The following GATA6 variants were observed in gnomAD, a reference collection of about 807,000 sequenced individuals.
GATA6 encodes the protein GATA binding protein 6, also known as transcription factor GATA-6.
Under a neutral mutation model 48.1 loss-of-function variants are expected in GATA6, and 11 were observed. The observed-to-expected ratio is 0.23, with a 90% CI of 0.14 to 0.38. The LOEUF is 0.38. Among genes scored for constraint, GATA6 ranks in the 10% least tolerant of loss-of-function variants. GATA6 has a pLI of 1.00. For synonymous variants in GATA6, 419 were observed against 396.1 expected (o/e 1.06, Z -0.69); for missense variants, 795 against 850.3 (o/e 0.93, Z 0.81).
intron 6 of GATA6, among the ~76,000 whole-genome samples, chr18:22,191,625 T>A (rs2033329403): frequency 6.6e-6 from 1 of 152,216 alleles, no homozygotes; most frequent in South Asian, 2.1e-4. Flanking sequence ...GTTCTGTTCA[T>A]GTTTAGACCT....
At chr18:22,175,690 G>A (rs2033112643) in intron 2 of GATA6, 1 of 152,182 alleles carries the variant, frequency 6.6e-6, no homozygotes. Context: ...TGGAATTAAA[G>A]TTTTTATGCT....
rs191460534 is a variant in GATA6 at position 22,175,095 on chromosome 18, G to A, written c.1136-1860G>A. Among the ~76,000 whole-genome samples, 3 of 152,204 alleles carry A rather than the reference G, an allele frequency of 2.0e-5. No homozygotes were observed. The East Asian group carries it at 5.8e-4, about 29-fold the overall frequency. On this transcript the variant is annotated intron_variant, in intron 2 of 6. Transcript: ENST00000269216. Reference sequence around the variant, plus strand: ...TGGTGAGTTGAAAAGGGGGAACTTGGTGAGCAAGCCCCCAGCTTTTATATC... The same window carrying A: ...TGGTGAGTTGAAAAGGGGGAACTTGATGAGCAAGCCCCCAGCTTTTATATC...
rs552832250 is a variant in GATA6, at chr18:22,192,672, G to GT, written c.1621-7980dup. Among the ~76,000 whole-genome samples the GT allele has an allele frequency of 3.5e-3, 530 of 152,270 alleles. 2 individuals are homozygous for GT. The highest frequency in any genetic ancestry group is 0.013 in the South Asian group (61 of 4,818). On this transcript the variant is annotated intron_variant, in intron 6 of 6. Transcript: ENST00000269216. ...AAAAATTAAGATCATAATTCACCAG[G>GT]TTTTAAATCTTGCCTCAGGATTCTG...
At chr18:22,176,502 CTG>C (rs2033123104) in intron 2 of GATA6, 1 of 153,866 alleles carries the variant, frequency 6.5e-6, no homozygotes, top group South Asian at 2.0e-4. Context: ...GGCAGCCTCG[CTG>C]TGTCCCCGGA....
intron 3 of GATA6, among the ~76,000 whole-genome samples, chr18:22,180,630 C>G (rs1312294249): frequency 6.6e-6 from 1 of 151,580 alleles, no homozygotes; most frequent in East Asian, 1.9e-4. Flanking sequence ...AAAATGCAGG[C>G]AGCAGGCAAT....
In GATA6 at chr18:22,171,251, C is replaced by T. The variant is rs770825513; in HGVS notation, c.107C>T (p.Pro36Leu). The change falls in exon 2 of 7, where the codon CCT becomes CTT. Residue 36 changes from proline to leucine, a missense_variant. Around this residue, in one of 5 missense-constraint regions of GATA6, gnomAD observed 591 missense variants for 570.0 expected, o/e 1.04. Transcript: ENST00000269216. This position sits in a 1 kb window ranked among gnomAD's most constrained non-coding sequence, Gnocchi z 7.1. ...AFPAREPSTPPSPISSSSSSC... is the reference protein window; with the variant it reads ...AFPAREPSTPLSPISSSSSSC... ...CCAGCGCGGGAGCCCTCCACGCCGC[C>T]TTCCCCCATCTCTTCCTCGTCCTCC... is the stretch of plus-strand genomic sequence containing the variant. The T allele has an allele frequency of 1.3e-6, 2 of 1,598,490 alleles. No homozygotes were observed. Among genetic ancestry groups the T allele is most frequent in the Admixed American group, 1.7e-5 (1 of 59,924 alleles).
intron 6 of GATA6, among the ~76,000 whole-genome samples, chr18:22,190,789 C>T (rs1467475095): frequency 6.6e-6 from 1 of 152,162 alleles, no homozygotes; most frequent in African/African-American, 2.4e-5. Context: ...TTGCCACATG[C>T]TACAAGCCAT....
rs1256801196 is a variant in GATA6 at position 22,172,248 on chromosome 18, C to T, written c.1104C>T (p.Ala368=). The part of the protein sequence containing the change: ...VLHSLQSRAG[A]PLPVPRGPSA... ...ACAGCCTGCAGAGCCGCGCCGGAGCCCCGCTCCCGGTGCCCCGGGGTCCCA... is the reference window on the plus strand; with the variant it reads ...ACAGCCTGCAGAGCCGCGCCGGAGCTCCGCTCCCGGTGCCCCGGGGTCCCA... Residue 368 remains alanine (A), a synonymous_variant, in exon 2 of 7, where the codon GCC becomes GCT. Transcript: ENST00000269216. The surrounding 1 kb of genome is among the most constrained non-coding windows in gnomAD (Gnocchi z 5.2). The T allele has an allele frequency of 2.6e-6, 4 of 1,533,778 alleles. No individual in the cohort carries two copies. The highest frequency in any genetic ancestry group is 2.4e-5 in the East Asian group (1 of 40,840).
chr18:22,188,105 T>C (rs2033286105), intron 6 of GATA6, among the ~76,000 whole-genome samples: 1 of 152,014 alleles, frequency 6.6e-6, no homozygotes, highest in African/African-American at 2.4e-5. Context: ...GAAAAAAAAG[T>C]AAACCCTATT....
At chr18:22,181,603 G>T in intron 4 of GATA6, 25 bp downstream of exon 4, 1 of 1,613,292 alleles carries the variant, frequency 6.2e-7, no homozygotes, top group Non-Finnish European at 8.5e-7. Context: ...CTGCTCACTT[G>T]TATATACATT....
intron 2 of GATA6, among the ~76,000 whole-genome samples, chr18:22,173,937 A>T (rs548391366): frequency 6.6e-6 from 1 of 152,352 alleles, no homozygotes; most frequent in East Asian, 1.9e-4. Flanking sequence ...GCCCAGCGAA[A>T]TTCCCTCTTT....
chr18:22,177,285 C>T (rs551401032), intron 3 of GATA6, among the ~76,000 whole-genome samples, 164 bp downstream of exon 3: 10 of 152,250 alleles, frequency 6.6e-5, no homozygotes, highest in African/African-American at 1.9e-4. Context: ...CATCCTGTCC[C>T]GGCTGTTCCA....
rs1201865958 is a variant in GATA6, at chr18:22,170,178, TC to T, written c.-38+502del. Among the ~76,000 whole-genome samples, 1 of 151,804 alleles carries T rather than the reference TC, an allele frequency of 6.6e-6. No homozygotes were observed. The highest frequency in any genetic ancestry group is 6.6e-5 in the Admixed American group (1 of 15,256). ...CCTCGGCTCTGGGGCGGTCTCACGCTCCCCCCTCCCCAGCCCGTTGCGTTCC... is the reference window on the plus strand; with the variant it reads ...CCTCGGCTCTGGGGCGGTCTCACGCTCCCCCTCCCCAGCCCGTTGCGTTCC... On this transcript the variant is annotated intron_variant, in intron 1 of 6. Coordinates refer to ENST00000269216, the MANE Select transcript of GATA6 (RefSeq NM_005257.6). The surrounding 1 kb of genome is among the most constrained non-coding windows in gnomAD (Gnocchi z 6.7).
At position 22,183,019 on chromosome 18, in the gene GATA6, C is replaced by G. The variant is rs774778659; in HGVS notation, c.1596C>G (p.Pro532=). 1.2e-6 allele frequency: 2 copies of G among 1,613,480 alleles called. No homozygotes were observed. Among genetic ancestry groups the G allele is most frequent in the African/African-American group, 1.3e-5 (1 of 74,910 alleles). ...NSDDCSKNTS[P]TTQPTASGAG... ...ATGATTGCAGCAAAAATACTTCCCC[C>G]ACAACACAACCTACAGCCTCAGGGG... Residue 532 remains proline (P), a synonymous_variant, in exon 6 of 7, where the codon CCC becomes CCG. Transcript: ENST00000269216.
At position 22,172,718 on chromosome 18, in the gene GATA6, C is replaced by T. The variant is rs2033072236; in HGVS notation, c.1135+439C>T. On this transcript the variant is annotated intron_variant, in intron 2 of 6. Transcript: ENST00000269216. This position sits in a 1 kb window ranked among gnomAD's most constrained non-coding sequence, Gnocchi z 5.2. ...GGGAGAGTGGCGGGCACTTGATCCACCCCCAAACAGACACACAAGCACATG... is the reference window on the plus strand; with the variant it reads ...GGGAGAGTGGCGGGCACTTGATCCATCCCCAAACAGACACACAAGCACATG... Among the ~76,000 whole-genome samples, 1 of 152,126 alleles carries T rather than the reference C, an allele frequency of 6.6e-6. No individual in the cohort carries two copies. Among genetic ancestry groups the T allele is most frequent in the Non-Finnish European group, 1.5e-5 (1 of 68,028 alleles).
At chr18:22,181,374 CAA>C in intron 3 of GATA6, 77 bp from the exon 4 acceptor site, 1 of 1,494,050 alleles carries the variant, frequency 6.7e-7, no homozygotes, top group Non-Finnish European at 9.3e-7. Flanking sequence ...ATGACAGGGA[CAA>C]AATACCTTAA....
chr18:22,177,037 C>T lies in GATA6; in HGVS notation c.1218C>T (p.Thr406=), dbSNP rs371894991. The part of the protein sequence containing the change: ...IQTPLWRRDG[T]GHYLCNACGL... ...CGCCGCTGTGGCGGCGGGACGGCAC[C>T]GGCCACTACCTGTGCAACGCCTGCG... is the stretch of plus-strand genomic sequence containing the variant. Residue 406 remains threonine, a synonymous_variant, in exon 3 of 7, where the codon ACC becomes ACT. Transcript: ENST00000269216. 9 of 1,577,096 alleles carry T rather than the reference C, an allele frequency of 5.7e-6. No individual in the cohort carries two copies. Among genetic ancestry groups the T allele is most frequent in the Admixed American group, 5.4e-5 (3 of 55,428 alleles).
chr18:22,200,919 G>C lies in GATA6; in HGVS notation c.*96G>C. 1 of 1,248,400 alleles carries C rather than the reference G, an allele frequency of 8.0e-7. No homozygotes were observed. The highest frequency in any genetic ancestry group is 1.3e-5 in the South Asian group (1 of 75,048). 77.3% of individuals were successfully genotyped at this position (1,248,400 alleles called of 1,614,324 possible). A position where few individuals can be genotyped will look rare whatever the true frequency, so the allele number is the denominator to read the frequency against. ...CGGTCCAGACAGTGGCGACTGCGCT[G>C]ACAGAACGTGATTCTCGTGCCTTTA... On this transcript the variant is annotated 3_prime_UTR_variant, in exon 7 of 7. Coordinates refer to ENST00000269216, the MANE Select transcript of GATA6 (RefSeq NM_005257.6).
chr18:22,171,579 G>A lies in GATA6; in HGVS notation c.435G>A (p.Glu145=), dbSNP rs1302050726. 1 of 1,602,650 alleles carries A rather than the reference G, an allele frequency of 6.2e-7. No homozygotes were observed. Among genetic ancestry groups the A allele is most frequent in the Non-Finnish European group, 8.5e-7 (1 of 1,179,370 alleles). Residue 145 remains glutamate (E), a synonymous_variant, in exon 2 of 7, where the codon GAG becomes GAA. Transcript: ENST00000269216. The surrounding 1 kb of genome is among the most constrained non-coding windows in gnomAD (Gnocchi z 7.1). ...KLSPFAPEQP[E]EMYQTLAALS... ...GCCCCTTCGCACCCGAGCAGCCGGA[G>A]GAGATGTACCAGACCCTCGCCGCTC...
Sources: allele counts gnomAD v4.1 joint callset (sites outside exome capture counted in the v4.1 genomes callset), GRCh38; gene constraint gnomAD v4.1.1; regional missense constraint gnomAD v4.1.1; non-coding constraint Gnocchi (gnomAD v3.1); transcripts MANE v1.5; gene names NCBI Gene and HGNC (gene_info 2026-07-23, HGNC 2026-07-21).